Variants in CCDC180 observed in about 807,000 individuals in gnomAD.
CCDC180 encodes coiled-coil domain-containing protein 180.
Under a neutral mutation model 209.2 loss-of-function variants are expected in CCDC180, and 154 were observed. The observed-to-expected ratio is 0.74, with a 90% CI of 0.65 to 0.84. CCDC180 has a LOEUF of 0.84. Among genes scored for constraint, CCDC180 ranks in the 40% least tolerant of loss-of-function variants. The pLI, the probability that CCDC180 is intolerant of heterozygous loss-of-function variation, is 0.00. For synonymous variants in CCDC180, 778 were observed against 749.1 expected (o/e 1.04, Z -0.63); for missense variants, 1,874 against 1,997.3 (o/e 0.94, Z 1.18).
intron 8 of CCDC180, among the ~76,000 whole-genome samples, chr9:97,315,877 TC>T (rs556657190): frequency 7.4e-4 from 112 of 152,316 alleles, no homozygotes; most frequent in African/African-American, 2.6e-3. Context: ...TAGATGTTCC[TC>T]CACTTACGAT....
At position 97,309,420 on chromosome 9, in the gene CCDC180, C is replaced by G. The variant is rs748547217; in HGVS notation, c.76C>G (p.Leu26Val). ...YQQIFQAEVQ[L>V]VHSLAATRKR... Reference sequence around the variant, plus strand: ...TGGTCCTCCCTGGATTCAGGTGCAGCTGGTCCACTCCCTGGCGGCCACCAG... The same window carrying G: ...TGGTCCTCCCTGGATTCAGGTGCAGGTGGTCCACTCCCTGGCGGCCACCAG... Residue 26 changes from leucine (L) to valine (V), a missense_variant, in exon 3 of 37, where the codon CTG (leucine) becomes GTG (valine). By Grantham distance (32) the Leu-to-Val change is conservative. Transcript: ENST00000529487. 2 of 1,598,318 alleles carry G rather than the reference C, an allele frequency of 1.3e-6. No individual in the cohort carries two copies. Among genetic ancestry groups the G allele is most frequent in the African/African-American group, 1.4e-5 (1 of 73,928 alleles).
At chr9:97,333,361 T>G (rs1221416081) in intron 18 of CCDC180, among the ~76,000 whole-genome samples, 1 of 152,214 alleles carries the variant, frequency 6.6e-6, no homozygotes, top group African/African-American at 2.4e-5. Context: ...GGTTTTGGCA[T>G]CAGCGTGATT....
At chr9:97,349,074 G>A (rs1396168738) in intron 20 of CCDC180, 37 bp from the exon 21 acceptor site, 4 of 1,522,070 alleles carry the variant, frequency 2.6e-6, no homozygotes, top group Non-Finnish European at 3.5e-6. Flanking sequence ...AGGTGAATCG[G>A]GTCCCCGGGG....
chr9:97,363,770 A>G, intron 28 of CCDC180: 2 of 547,538 alleles, frequency 3.7e-6, no homozygotes, highest in Non-Finnish European at 7.0e-6. Context: ...GGAAGCAGGA[A>G]TGCAAATTTC....
chr9:97,335,935 C>T (rs924551122), intron 18 of CCDC180, among the ~76,000 whole-genome samples: 1 of 152,270 alleles, frequency 6.6e-6, no homozygotes. Context: ...CCAGTGATGA[C>T]GAGCGTTTTT....
chr9:97,374,748 C>A (rs1261216709), intron 35 of CCDC180, 100 bp downstream of exon 35: 1 of 871,352 alleles, frequency 1.1e-6, no homozygotes, highest in Non-Finnish European at 1.8e-6. Flanking sequence ...TCAGACAGAC[C>A]TGGGAAAGGC....
intron 18 of CCDC180, among the ~76,000 whole-genome samples, chr9:97,337,853 G>T (rs1825957282): frequency 6.6e-6 from 1 of 152,138 alleles, no homozygotes. Context: ...CCTGTTATTG[G>T]TTTATTCAGG....
At chr9:97,321,509 A>G (rs1169798574) in intron 11 of CCDC180, among the ~76,000 whole-genome samples, 1 of 152,216 alleles carries the variant, frequency 6.6e-6, no homozygotes, top group Non-Finnish European at 1.5e-5. Context: ...TTTGGCTAGT[A>G]GTACCTGCCA....
chr9:97,330,338 C>T lies in CCDC180; in HGVS notation c.1845C>T (p.Pro615=). ...KFRQPEAHEK[P]SQKRVKKLRK... ...CATCAACAGAAGCACATGAAAAACC[C>T]TCCCAGAAGAGAGTGAAAAAACTGA... Residue 615 remains proline (P), a synonymous_variant, in exon 18 of 37, where the codon CCC becomes CCT. Coordinates refer to ENST00000529487, the MANE Select transcript of CCDC180 (RefSeq NM_020893.6). The T allele has an allele frequency of 1.2e-6, 2 of 1,613,326 alleles. No individual in the cohort carries two copies. The highest frequency in any genetic ancestry group is 2.2e-5 in the East Asian group (1 of 44,862).
In CCDC180 at chr9:97,323,676, G is replaced by A. The variant is rs895718332; in HGVS notation, c.1249-105G>A. 5.3e-6 allele frequency: 7 copies of A among 1,332,716 alleles called. No homozygotes were observed. In the Admixed American group the frequency reaches 1.1e-4, roughly 20 times the overall value. The allele number at this position is 1,332,716 out of a possible 1,614,324, so 82.6% of individuals were successfully genotyped here. On this transcript the variant is annotated intron_variant, in intron 12 of 36. Coordinates refer to ENST00000529487, the MANE Select transcript of CCDC180 (RefSeq NM_020893.6). ...TCATGGGGTGCAGGGCCCTTCACCT[G>A]GAGCTCAGGTCTGACTTGTGCAACG...
At chr9:97,330,099 C>T (rs1031437143) in intron 16 of CCDC180, 55 bp from the exon 17 acceptor site, 2 of 1,206,300 alleles carry the variant, frequency 1.7e-6, no homozygotes, top group Non-Finnish European at 2.4e-6. Context: ...AGGTGGGGGG[C>T]ACTCTGAAGA....
At position 97,357,789 on chromosome 9, in the gene CCDC180, GA is replaced by G. The variant is rs1384881377; in HGVS notation, c.3363+67del. 1.4e-5 allele frequency: 19 copies of G among 1,334,582 alleles called. 2 individuals are homozygous for G. The African/African-American group carries it at 1.6e-4, about 11-fold the overall frequency. 82.7% of individuals were successfully genotyped at this position (1,334,582 alleles called of 1,614,324 possible). On this transcript the variant is annotated intron_variant, in intron 25 of 36. Coordinates refer to ENST00000529487, the MANE Select transcript of CCDC180 (RefSeq NM_020893.6). ...TATATCATGCTAAAGTCATAAATGT[GA>G]AATAAATTTACCTGTGTGTATAGGA...
rs368851257 is a variant in CCDC180 at position 97,375,558 on chromosome 9, C to T, written c.4811C>T (p.Ala1604Val). ...ACCAAAACCACCCTGGGCCACCTGGCGGCCGTGGAAGCCCGAGATGCTGTG... is the reference window on the plus strand; with the variant it reads ...ACCAAAACCACCCTGGGCCACCTGGTGGCCGTGGAAGCCCGAGATGCTGTG... Reference protein sequence around the residue: ...STTKTTLGHLAAVEARDAVYL... With the variant: ...STTKTTLGHLVAVEARDAVYL... The change falls in exon 36 of 37, where the codon GCG becomes GTG. Residue 1604 changes from alanine to valine, a missense_variant. Coordinates refer to ENST00000529487, the MANE Select transcript of CCDC180 (RefSeq NM_020893.6). The T allele has an allele frequency of 1.4e-5, 22 of 1,614,220 alleles. No homozygotes were observed. The highest frequency in any genetic ancestry group is 3.3e-5 in the South Asian group (3 of 91,086).
In CCDC180 at chr9:97,375,361, C is replaced by G. The variant is rs529428515; in HGVS notation, c.4707-93C>G. The G allele has an allele frequency of 2.0e-6, 3 of 1,515,252 alleles. No homozygotes were observed. In the South Asian group the frequency reaches 3.7e-5, roughly 19 times the overall value. The allele number at this position is 1,515,252 out of a possible 1,614,324, so 93.9% of individuals were successfully genotyped here. ...ATATTTAAAGCCATGATAATTTTTT[C>G]AAAGAAATGCTAAGCTTTTCCAACA... On this transcript the variant is annotated intron_variant, in intron 35 of 36. Coordinates refer to ENST00000529487, the MANE Select transcript of CCDC180 (RefSeq NM_020893.6).
At chr9:97,331,465 A>C (rs1000341000) in intron 18 of CCDC180, among the ~76,000 whole-genome samples, 1 of 152,172 alleles carries the variant, frequency 6.6e-6, no homozygotes, top group Non-Finnish European at 1.5e-5. Context: ...GTCAAAAGGT[A>C]GTTCTGTTTT....
At chr9:97,370,869 G>C (rs983098302) in intron 33 of CCDC180, 91 bp downstream of exon 33, 19 of 1,398,292 alleles carry the variant, frequency 1.4e-5, no homozygotes, top group Non-Finnish European at 1.6e-5. Context: ...GCCCTTTCTT[G>C]GTATCTTGCC....
chr9:97,343,789 A>C (rs1201412695), intron 19 of CCDC180: 2 of 530,768 alleles, frequency 3.8e-6, no homozygotes, highest in Non-Finnish European at 6.7e-6. Flanking sequence ...CACCCACCTC[A>C]GGAGGCTCTC....
At position 97,330,383 on chromosome 9, in the gene CCDC180, A is replaced by T; in HGVS notation, c.1890A>T (p.Lys630Asn). 1.2e-6 allele frequency: 2 copies of T among 1,614,220 alleles called. No individual in the cohort carries two copies. The highest frequency in any genetic ancestry group is 1.7e-6 in the Non-Finnish European group (2 of 1,180,038). The change falls in exon 18 of 37, where the codon AAA (lysine) becomes AAT (asparagine). Residue 630 changes from lysine (K) to asparagine (N), a missense_variant. By Grantham distance (94) the Lys-to-Asn change is moderately conservative. Transcript: ENST00000529487. ...VKKLRKKQGSKEDMTRSEESI... is the reference protein window; with the variant it reads ...VKKLRKKQGSNEDMTRSEESI... Reference sequence around the variant, plus strand: ...AACTGAGGAAGAAGCAAGGGTCTAAAGAGGACATGACCAGAAGTGAGGAAA... The same window carrying T: ...AACTGAGGAAGAAGCAAGGGTCTAATGAGGACATGACCAGAAGTGAGGAAA...
chr9:97,318,455 G>A lies in CCDC180; in HGVS notation c.960-8G>A, dbSNP rs1833251264. ...CCCCTTTATGGTGCCAACATGTCTG[G>A]CCACCAGTGAGTTCATGGCCAGTGA... On this transcript the variant is annotated splice_polypyrimidine_tract_variant and splice_region_variant and intron_variant, in intron 9 of 36. Transcript: ENST00000529487. The A allele has an allele frequency of 6.2e-7, 1 of 1,612,906 alleles. No homozygotes were observed. The highest frequency in any genetic ancestry group is 8.5e-7 in the Non-Finnish European group (1 of 1,179,532).
Sources: gnomAD v4.1 joint callset for allele counts (sites outside exome capture counted in the v4.1 genomes callset) on GRCh38, gnomAD v4.1.1 for gene constraint, MANE v1.5 for transcripts, NCBI Gene and HGNC (gene_info 2026-07-23, HGNC 2026-07-21) for gene names.